Variants in ULK4 observed in about 807,000 individuals in gnomAD.
ULK4 encodes unc-51 like kinase 4, also known as inactive serine/threonine-protein kinase ULK4.
Under a neutral mutation model 160.6 loss-of-function variants are expected in ULK4, and 133 were observed. The observed-to-expected ratio is 0.83, with a 90% CI of 0.72 to 0.96. The LOEUF is 0.96. ULK4 is among the 40% of genes least tolerant of loss of function. The pLI is 0.00. For missense variants in ULK4, 1,580 were observed against 1,499.5 expected, an observed-to-expected ratio of 1.05 and a Z score of -0.89; for synonymous variants, 534 against 539.8, an observed-to-expected ratio of 0.99 and a Z score of 0.15.
intron 34 of ULK4, among the ~76,000 whole-genome samples, chr3:41,408,383 G>A (rs1287694244): frequency 2.3e-5 from 3 of 131,392 alleles, no homozygotes; most frequent in South Asian, 2.5e-4. Context: ...AGCCGAGATC[G>A]CACCACTGCA....
chr3:41,581,073 T>A (rs933428499), intron 31 of ULK4, among the ~76,000 whole-genome samples: 1 of 152,106 alleles, frequency 6.6e-6, no homozygotes, highest in African/African-American at 2.4e-5. Flanking sequence ...GCATCCCCCA[T>A]TCACCCTTTC....
At chr3:41,518,191 GAGA>G (rs1448754928) in intron 32 of ULK4, among the ~76,000 whole-genome samples, 1 of 152,166 alleles carries the variant, frequency 6.6e-6, no homozygotes, top group Admixed American at 6.5e-5. Flanking sequence ...GAGATACCTA[GAGA>G]AGAAGACTGG....
At chr3:41,825,294 G>A (rs59849553) in intron 18 of ULK4, among the ~76,000 whole-genome samples, 47,206 of 152,130 alleles carry the variant, frequency 0.31, 10,643 homozygotes, top group African/African-American at 0.64. Context: ...CACCAGCAAC[G>A]GAACAAAGCT....
At chr3:41,610,322 A>T (rs2032612764) in intron 31 of ULK4, among the ~76,000 whole-genome samples, 1 of 152,122 alleles carries the variant, frequency 6.6e-6, no homozygotes, top group African/African-American at 2.4e-5. Context: ...TACATTTTTT[A>T]AATCTTATTT....
chr3:41,394,937 A>G (rs72866668), intron 35 of ULK4, among the ~76,000 whole-genome samples: 3,376 of 152,244 alleles, frequency 0.022, 142 homozygotes, highest in African/African-American at 0.072. Context: ...TCAAAGAGTT[A>G]GAGTGACCTT....
chr3:41,944,607 T>C (rs1238690325), intron 2 of ULK4, among the ~76,000 whole-genome samples: 2 of 152,054 alleles, frequency 1.3e-5, no homozygotes, highest in Non-Finnish European at 2.9e-5. Flanking sequence ...TTATAAGAAG[T>C]GTACTTATTT....
intron 31 of ULK4, among the ~76,000 whole-genome samples, chr3:41,590,390 T>G (rs986164578): frequency 7.2e-6 from 1 of 138,156 alleles, no homozygotes; most frequent in Non-Finnish European, 1.5e-5. Context: ...CTGAGGCGGG[T>G]GGATCACCTG....
chr3:41,593,662 ATTT>A (rs2031501901), intron 31 of ULK4, among the ~76,000 whole-genome samples: 1 of 152,102 alleles, frequency 6.6e-6, no homozygotes, highest in Admixed American at 6.5e-5. Flanking sequence ...GCTAATTTCC[ATTT>A]TCTTCTTCAG....
At chr3:41,804,951 G>C (rs1381054954) in intron 19 of ULK4, among the ~76,000 whole-genome samples, 1 of 152,138 alleles carries the variant, frequency 6.6e-6, no homozygotes, top group Non-Finnish European at 1.5e-5. Flanking sequence ...GCTTAGGACT[G>C]ACTTGGCGAT....
chr3:41,389,020 T>C (rs888412335), intron 35 of ULK4, among the ~76,000 whole-genome samples: 4 of 151,948 alleles, frequency 2.6e-5, no homozygotes, highest in Admixed American at 1.3e-4. Flanking sequence ...TGGAATGTTC[T>C]TCCATTTCTT....
chr3:41,826,817 C>A (rs1449398767), intron 18 of ULK4, among the ~76,000 whole-genome samples: 1 of 144,508 alleles, frequency 6.9e-6, no homozygotes, highest in Non-Finnish European at 1.5e-5. Context: ...ACCTAATAGA[C>A]ATCTACAGAA....
Position 41,945,122 on chromosome 3 carries a change from CT to C in ULK4, c.139-6926del, listed in dbSNP as rs1700075702. ...CCGCCAGAGGAGCACTGGCCCCTGT[CT>C]CCATCAGAACATTAAGGAATCAAGA... On this transcript the variant is annotated intron_variant, in intron 2 of 36. Coordinates refer to ENST00000301831, the MANE Select transcript of ULK4 (RefSeq NM_017886.4). 2.6e-5 allele frequency among the ~76,000 whole-genome samples: 4 copies of C among 152,292 alleles called. No individual in the cohort carries two copies. The East Asian group carries it at 7.7e-4, about 29-fold the overall frequency.
chr3:41,678,177 TACAC>T (rs752843326), intron 29 of ULK4, among the ~76,000 whole-genome samples: 14,563 of 122,920 alleles, frequency 0.12, 685 homozygotes, highest in Admixed American at 0.16. Flanking sequence ...CTTTATTTCA[TACAC>T]ACACACACAC....
intron 32 of ULK4, among the ~76,000 whole-genome samples, chr3:41,545,457 G>C (rs894423131): frequency 7.9e-5 from 12 of 152,082 alleles, no homozygotes; most frequent in African/African-American, 2.9e-4. Flanking sequence ...ATGCTTTTCT[G>C]CTTCTCTGGC....
At chr3:41,654,432 G>C (rs1434953251) in intron 30 of ULK4, among the ~76,000 whole-genome samples, 3 of 152,188 alleles carry the variant, frequency 2.0e-5, no homozygotes, top group African/African-American at 7.2e-5. Context: ...GCTCAAAACT[G>C]TTAAATGATA....
At chr3:41,598,958 G>A (rs1271340092) in intron 31 of ULK4, among the ~76,000 whole-genome samples, 26 of 152,220 alleles carry the variant, frequency 1.7e-4, no homozygotes, top group Admixed American at 1.6e-3. Flanking sequence ...GAGGCTCCAG[G>A]GGAAAATCTG....
At chr3:41,256,595 T>A (rs992598715) in intron 35 of ULK4, among the ~76,000 whole-genome samples, 1 of 152,222 alleles carries the variant, frequency 6.6e-6, no homozygotes, top group African/African-American at 2.4e-5. Context: ...TTTAAATGGA[T>A]GATGGATCTA....
intron 19 of ULK4, among the ~76,000 whole-genome samples, chr3:41,806,494 C>G (rs1475240055): frequency 6.6e-6 from 1 of 152,096 alleles, no homozygotes; most frequent in Admixed American, 6.5e-5. Context: ...TTCAGTTCTG[C>G]TCTGATTTTA....
rs530506373 is a variant in ULK4, at chr3:41,962,042, C to G, written c.-75G>C. 6.6e-6 allele frequency: 1 copy of G among 152,642 alleles called. No individual in the cohort carries two copies. The highest frequency in any genetic ancestry group is 1.5e-5 in the Non-Finnish European group (1 of 68,362). 9.5% of individuals were successfully genotyped at this position (152,642 alleles called of 1,614,324 possible). ...TGGTAGCTAAGTCAAGAAAAGAGTCCAGTCCACTTGGCTGCTCCCGCGGTT... is the reference window on the plus strand; with the variant it reads ...TGGTAGCTAAGTCAAGAAAAGAGTCGAGTCCACTTGGCTGCTCCCGCGGTT... On this transcript the variant is annotated 5_prime_UTR_variant, in exon 1 of 37. Transcript: ENST00000301831.
Sources: allele counts gnomAD v4.1 joint callset (sites outside exome capture counted in the v4.1 genomes callset), GRCh38; gene constraint gnomAD v4.1.1; transcripts MANE v1.5; gene names NCBI Gene and HGNC (gene_info 2026-07-23, HGNC 2026-07-21).